The following KLHL29 variants were observed in gnomAD, a reference collection of about 807,000 sequenced individuals.
KLHL29 encodes the protein kelch like family member 29, also known as kelch-like protein 29.
A neutral mutation model predicts 80.4 loss-of-function variants in KLHL29; 21 were observed. That is an observed-to-expected ratio of 0.26 (90% CI 0.19 to 0.38). The LOEUF is 0.38. Ranked by LOEUF, KLHL29 falls within the 10% of genes least tolerant of loss-of-function variation. KLHL29 has a pLI of 1.00. For missense variants in KLHL29, 867 were observed against 1,223.9 expected (o/e 0.71, Z 4.35); for synonymous variants, 511 against 526.8 (o/e 0.97, Z 0.41).
At chr2:23,556,652 C>CAAA (rs397687330) in intron 2 of KLHL29, among the ~76,000 whole-genome samples, 156 of 132,600 alleles carry the variant, frequency 1.2e-3, no homozygotes, top group African/African-American at 4.2e-3. Context: ...GACTCCATCT[C>CAAA]AAAAAAAAAA....
chr2:23,540,694 A>G (rs1206993826), intron 2 of KLHL29, among the ~76,000 whole-genome samples: 1 of 152,174 alleles, frequency 6.6e-6, no homozygotes, highest in African/African-American at 2.4e-5. Flanking sequence ...GAGAGGCACA[A>G]CTCAGGCTTC....
chr2:23,572,967 C>T (rs1173901047), intron 3 of KLHL29, among the ~76,000 whole-genome samples: 1 of 152,220 alleles, frequency 6.6e-6, no homozygotes, highest in African/African-American at 2.4e-5. Context: ...GGATTACAGG[C>T]GTGAGCCACC....
rs764920470 is a variant in KLHL29 at position 23,682,126 on chromosome 2, C to T, written c.941-2273C>T. On this transcript the variant is annotated intron_variant, in intron 5 of 13. Coordinates refer to ENST00000486442, the MANE Select transcript of KLHL29 (RefSeq NM_052920.2). The surrounding 1 kb of genome is among the most constrained non-coding windows in gnomAD (Gnocchi z 4.1). Reference sequence around the variant, plus strand: ...TCTCCATGCCTCCCCCTCCCCACTTCCTTCCTGCACTGAGCCCCACGGGGT... The same window carrying T: ...TCTCCATGCCTCCCCCTCCCCACTTTCTTCCTGCACTGAGCCCCACGGGGT... Among the ~76,000 whole-genome samples, 1 of 152,180 alleles carries T rather than the reference C, an allele frequency of 6.6e-6. No individual in the cohort carries two copies. Among genetic ancestry groups the T allele is most frequent in the African/African-American group, 2.4e-5 (1 of 41,436 alleles).
At position 23,695,011 on chromosome 2, in the gene KLHL29, G is replaced by A. The variant is rs189727478; in HGVS notation, c.1543-612G>A. ...GGTCTCGTTACTCATGGGATGAAAC[G>A]AAAGTAGAGTGATGAGCAGAGTTTG... is the stretch of plus-strand genomic sequence containing the variant. On this transcript the variant is annotated intron_variant, in intron 8 of 13. Coordinates refer to ENST00000486442, the MANE Select transcript of KLHL29 (RefSeq NM_052920.2). The surrounding 1 kb of genome is among the most constrained non-coding windows in gnomAD (Gnocchi z 7.6). Among the ~76,000 whole-genome samples, 15 of 152,270 alleles carry A rather than the reference G, an allele frequency of 9.9e-5. No individual in the cohort carries two copies. The highest frequency in any genetic ancestry group is 1.6e-4 in the Non-Finnish European group (11 of 68,018).
At chr2:23,637,058 C>T (rs1572456015) in intron 3 of KLHL29, among the ~76,000 whole-genome samples, 1 of 152,102 alleles carries the variant, frequency 6.6e-6, no homozygotes, top group East Asian at 1.9e-4. Flanking sequence ...TGGAGAGGGG[C>T]TGCAACACCC....
intron 5 of KLHL29, among the ~76,000 whole-genome samples, chr2:23,667,015 C>G (rs980825750): frequency 6.6e-6 from 1 of 152,164 alleles, no homozygotes; most frequent in Non-Finnish European, 1.5e-5. Context: ...TGGGCAGAGT[C>G]AGGCTCAGTG....
chr2:23,390,900 C>T (rs547583294), intron 1 of KLHL29, among the ~76,000 whole-genome samples: 3 of 152,196 alleles, frequency 2.0e-5, no homozygotes, highest in Admixed American at 6.5e-5. Context: ...GTGATCCACC[C>T]GCCTCAGCTT....
chr2:23,524,364 G>GA, intron 2 of KLHL29: 2 of 186,434 alleles, frequency 1.1e-5, no homozygotes, highest in South Asian at 1.1e-4. Flanking sequence ...TAGCAGGCCA[G>GA]GAAATACCTT....
intron 5 of KLHL29, among the ~76,000 whole-genome samples, chr2:23,664,995 AGT>A (rs560581632): frequency 6.2e-4 from 95 of 152,354 alleles, no homozygotes; most frequent in South Asian, 5.2e-3. Flanking sequence ...GCCCTTTAAA[AGT>A]GCACAGAGAT....
Position 23,541,765 on chromosome 2 carries a change from C to CAAAAAAAAAAAAAAAAAA in KLHL29, c.-45-20381_-45-20380insAAAAAAAAAAAAAAAAAA, listed in dbSNP as rs149080311. ...AAAGAGCTTTTAAAAAAGCCCAACC[C>CAAAAAAAAAAAAAAAAAA]AAAAAACAAAAAAAAAAAAACCATA... is the stretch of plus-strand genomic sequence containing the variant. On this transcript the variant is annotated intron_variant, in intron 2 of 13. Transcript: ENST00000486442. Among the ~76,000 whole-genome samples the CAAAAAAAAAAAAAAAAAA allele has an allele frequency of 1.2e-3, 163 of 139,786 alleles. 6 individuals are homozygous for CAAAAAAAAAAAAAAAAAA. Among genetic ancestry groups the CAAAAAAAAAAAAAAAAAA allele is most frequent in the African/African-American group, 4.6e-3 (158 of 34,136 alleles). 91.7% of individuals were successfully genotyped at this position (139,786 alleles called of 152,430 possible). A position where few individuals can be genotyped will look rare whatever the true frequency, so the allele number is the denominator to read the frequency against.
chr2:23,417,545 C>T (rs919238592), intron 1 of KLHL29, among the ~76,000 whole-genome samples: 4 of 152,214 alleles, frequency 2.6e-5, no homozygotes, highest in African/African-American at 9.7e-5. Flanking sequence ...TCCCCACTTT[C>T]CTGATGGAGA....
At chr2:23,506,640 G>GCAGCCA (rs1358200557) in intron 2 of KLHL29, among the ~76,000 whole-genome samples, 6 of 152,174 alleles carry the variant, frequency 3.9e-5, no homozygotes, top group African/African-American at 1.4e-4. Context: ...TAAAGGGGCT[G>GCAGCCA]CAGCCACAGC....
At chr2:23,677,975 A>C (rs186651120) in intron 5 of KLHL29, among the ~76,000 whole-genome samples, 1 of 152,164 alleles carries the variant, frequency 6.6e-6, no homozygotes, top group African/African-American at 2.4e-5. Context: ...AACCTTTCTC[A>C]AGGCTCTGAT....
intron 2 of KLHL29, among the ~76,000 whole-genome samples, chr2:23,511,041 C>T (rs1665756484): frequency 6.6e-6 from 1 of 152,172 alleles, no homozygotes; most frequent in African/African-American, 2.4e-5. Flanking sequence ...GCTTACAGAA[C>T]AGAAATGTAT....
At chr2:23,511,482 G>A (rs1460268961) in intron 2 of KLHL29, among the ~76,000 whole-genome samples, 1 of 152,178 alleles carries the variant, frequency 6.6e-6, no homozygotes, top group Non-Finnish European at 1.5e-5. Flanking sequence ...GGAGTGTTAG[G>A]GAAGCAGTCC....
At chr2:23,395,929 C>G (rs971353347) in intron 1 of KLHL29, among the ~76,000 whole-genome samples, 11 of 152,160 alleles carry the variant, frequency 7.2e-5, no homozygotes, top group African/African-American at 2.7e-4. Context: ...AAGGTAGGAC[C>G]ACATTTTCGT....
chr2:23,467,487 C>T (rs954871086), intron 1 of KLHL29, among the ~76,000 whole-genome samples: 4 of 152,132 alleles, frequency 2.6e-5, no homozygotes, highest in African/African-American at 9.7e-5. Context: ...GGTAAAAAGT[C>T]CTGTAATCTC....
chr2:23,568,969 C>T (rs1421356916), intron 3 of KLHL29, among the ~76,000 whole-genome samples: 1 of 152,162 alleles, frequency 6.6e-6, no homozygotes, highest in Non-Finnish European at 1.5e-5. Flanking sequence ...AGACACCCAG[C>T]AAGGATTGTG....
chr2:23,675,670 A>G (rs1670899456), intron 5 of KLHL29, among the ~76,000 whole-genome samples: 1 of 152,222 alleles, frequency 6.6e-6, no homozygotes, highest in South Asian at 2.1e-4. Context: ...CTTCAAAGCC[A>G]TTGGAGCTGA....
Sources: gnomAD v4.1 joint callset for allele counts (sites outside exome capture counted in the v4.1 genomes callset) on GRCh38, gnomAD v4.1.1 for gene constraint, Gnocchi (gnomAD v3.1) non-coding constraint, MANE v1.5 for transcripts, NCBI Gene and HGNC (gene_info 2026-07-23, HGNC 2026-07-21) for gene names.